CFAP47: variants seen among roughly 807,000 people sequenced by gnomAD.
The protein encoded by CFAP47 is cilia- and flagella-associated protein 47.
Under a neutral mutation model 148.1 loss-of-function variants are expected in CFAP47, and 29 were observed. That is an observed-to-expected ratio of 0.20 (90% CI 0.15 to 0.27). CFAP47 has a LOEUF of 0.27. CFAP47 is among the 10% of genes least tolerant of loss of function. The pLI, the probability that CFAP47 is intolerant of heterozygous loss-of-function variation, is 1.00. For synonymous variants in CFAP47, 664 were observed against 577.3 expected (o/e 1.15, Z -2.15); for missense variants, 1,872 against 1,697.5 (o/e 1.10, Z -1.81).
chrX:35,988,771 G>C (rs1373114580), intron 15 of CFAP47, among the ~76,000 whole-genome samples: 4 of 111,986 alleles, frequency 3.6e-5, no homozygotes. Context: ...GATACCACAT[G>C]AGTTCTCAAT....
rs769786805 is a variant in CFAP47, at chrX:35,995,929, G to A, written c.3100-1383G>A. Among the ~76,000 whole-genome samples, 5 of 111,690 alleles carry A rather than the reference G, an allele frequency of 4.5e-5. No individual in the cohort carries two copies. The South Asian group carries it at 1.5e-3, about 33-fold the overall frequency. On this transcript the variant is annotated intron_variant, in intron 18 of 63. Transcript: ENST00000378653. ...ACATCACAGGCTTCAAAGTCTCTTCGATATGTGACATCCAGGAACTGTTCT... is the reference window on the plus strand; with the variant it reads ...ACATCACAGGCTTCAAAGTCTCTTCAATATGTGACATCCAGGAACTGTTCT...
chrX:36,249,852 G>T (rs1022279137), intron 48 of CFAP47, among the ~76,000 whole-genome samples: 2 of 109,524 alleles, frequency 1.8e-5, no homozygotes, highest in Non-Finnish European at 3.8e-5. Context: ...AGTCCATGGC[G>T]ATATATGGAC....
chrX:35,924,515 A>C (rs1239455549), intron 1 of CFAP47, among the ~76,000 whole-genome samples: 2 of 103,921 alleles, frequency 1.9e-5, no homozygotes, highest in Non-Finnish European at 2.0e-5. Flanking sequence ...GTGCACATAT[A>C]TGTGTATATA....
chrX:36,198,973 C>T (rs1461361266), intron 42 of CFAP47, among the ~76,000 whole-genome samples: 1 of 112,127 alleles, frequency 8.9e-6, no homozygotes, highest in Non-Finnish European at 1.9e-5. Flanking sequence ...ATAAGCAATT[C>T]AGTAAGTGTT....
intron 1 of CFAP47, among the ~76,000 whole-genome samples, chrX:35,922,571 C>A (rs889901071): frequency 8.9e-6 from 1 of 112,741 alleles, no homozygotes; most frequent in Non-Finnish European, 1.9e-5. Flanking sequence ...TTCCAACACC[C>A]AAAGGCTTAT....
chrX:36,344,883 A>C lies in CFAP47; in HGVS notation c.8444-3246A>C, dbSNP rs1358152319. ...AATTAAACATAATGAAATCTCCATA[A>C]ACTATACTCTTAATAACATTTGCAC... On this transcript the variant is annotated intron_variant, in intron 57 of 63. Coordinates refer to ENST00000378653, the MANE Select transcript of CFAP47 (RefSeq NM_001304548.2). Among the ~76,000 whole-genome samples the C allele has an allele frequency of 2.7e-5, 3 of 111,928 alleles. No homozygotes were observed. In the East Asian group the frequency reaches 8.4e-4, roughly 31 times the overall value.
At chrX:36,197,461 C>T (rs372833343) in intron 42 of CFAP47, among the ~76,000 whole-genome samples, 59 of 111,897 alleles carry the variant, frequency 5.3e-4, no homozygotes, top group Admixed American at 2.6e-3. Context: ...GATAAAACAA[C>T]GAATTTTTAG....
At chrX:36,173,414 C>T (rs1157474739) in intron 39 of CFAP47, among the ~76,000 whole-genome samples, 5 of 111,748 alleles carry the variant, frequency 4.5e-5, no homozygotes, top group Non-Finnish European at 5.6e-5. Flanking sequence ...TTAGATCTTT[C>T]CTGCTTTCTC....
chrX:36,089,330 C>T (rs1938144242), intron 30 of CFAP47, among the ~76,000 whole-genome samples: 1 of 110,382 alleles, frequency 9.1e-6, no homozygotes, highest in Admixed American at 9.7e-5. Context: ...GATCGCACCA[C>T]TGTACTCCAG....
intron 26 of CFAP47, among the ~76,000 whole-genome samples, chrX:36,060,781 A>C: frequency 9.0e-6 from 1 of 111,607 alleles, no homozygotes; most frequent in Non-Finnish European, 1.9e-5. Context: ...GTTTATAAAT[A>C]ACAATTTCTT....
intron 49 of CFAP47, among the ~76,000 whole-genome samples, chrX:36,262,831 C>A (rs781951689): frequency 2.7e-5 from 3 of 112,024 alleles, no homozygotes; most frequent in Non-Finnish European, 3.8e-5. Flanking sequence ...ATATTCCCAA[C>A]AACAGTATAT....
intron 29 of CFAP47, among the ~76,000 whole-genome samples, chrX:36,082,384 G>A (rs1302472704): frequency 9.0e-6 from 1 of 111,316 alleles, no homozygotes; most frequent in Non-Finnish European, 1.9e-5. Context: ...AGTAGCCCTG[G>A]AAATAGACAA....
intron 30 of CFAP47, among the ~76,000 whole-genome samples, chrX:36,086,279 G>T (rs1367340495): frequency 8.9e-6 from 1 of 112,087 alleles, no homozygotes; most frequent in Non-Finnish European, 1.9e-5. Context: ...GCCTGCGCTT[G>T]CAACATCCAT....
intron 43 of CFAP47, among the ~76,000 whole-genome samples, chrX:36,200,814 T>A (rs5973608): frequency 1.8e-5 from 2 of 111,894 alleles, no homozygotes; most frequent in Non-Finnish European, 3.8e-5. Context: ...AAAATCTACA[T>A]AATGTTATAT....
chrX:35,952,030 C>A, intron 6 of CFAP47, 67 bp downstream of exon 6: 1 of 1,053,826 alleles, frequency 9.5e-7, no homozygotes, highest in Non-Finnish European at 1.2e-6. Flanking sequence ...ACACTTTAAT[C>A]AGATTCACTT....
intron 29 of CFAP47, among the ~76,000 whole-genome samples, chrX:36,080,794 GGGGGAGGGATA>G (rs1257338416): frequency 2.7e-5 from 3 of 111,242 alleles, no homozygotes; most frequent in African/African-American, 9.8e-5. Context: ...GTTGGGGGAT[GGGGGAGGGATA>G]GCATTAGGAG....
At chrX:36,371,656 G>GTGTGTATATACACACATGTGTATATA (rs1941942309) in intron 62 of CFAP47, among the ~76,000 whole-genome samples, 1 of 79,538 alleles carries the variant, frequency 1.3e-5, no homozygotes. Context: ...GTGTATATAT[G>GTGTGTATATACACACATGTGTATATA]TGTGTATATA....
In CFAP47 at chrX:35,948,391, T is replaced by C; in HGVS notation, c.595T>C (p.Ser199Pro). 1 of 1,202,169 alleles carries C rather than the reference T, an allele frequency of 8.3e-7. No individual in the cohort carries two copies. Among genetic ancestry groups the C allele is most frequent in the Non-Finnish European group, 1.1e-6 (1 of 886,682 alleles). ...PTSGIVDAKS[S>P]MVIKVDFCAD... ...TAGTGGTATCGTGGATGCTAAGTCA[T>C]CAATGGTTATTAAAGTAGATTTCTG... Residue 199 changes from serine (S) to proline (P), a missense_variant, in exon 4 of 64, where the codon TCA becomes CCA. Ser to Pro is a moderately conservative substitution (Grantham distance 74). Transcript: ENST00000378653.
chrX:36,265,523 A>T (rs781976589), intron 49 of CFAP47, among the ~76,000 whole-genome samples: 2 of 111,784 alleles, frequency 1.8e-5, no homozygotes. Flanking sequence ...CCCATTCAGT[A>T]TGATATTGGC....
Sources: gnomAD v4.1 joint callset for allele counts (sites outside exome capture counted in the v4.1 genomes callset) on GRCh38, gnomAD v4.1.1 for gene constraint, MANE v1.5 for transcripts, NCBI Gene and HGNC (gene_info 2026-07-23, HGNC 2026-07-21) for gene names.